The following C1D variants were observed in gnomAD, a reference collection of about 807,000 sequenced individuals.
The protein encoded by C1D is nuclear nucleic acid-binding protein C1D.
C1D carries 10 observed loss-of-function variants against 17.5 expected under a neutral mutation model. The ratio of observed to expected loss-of-function variants is 0.57; its 90% CI spans 0.35 to 0.97. The LOEUF is 0.97. Among genes scored for constraint, C1D ranks in the 50% least tolerant of loss-of-function variants. The pLI, the probability that C1D is intolerant of heterozygous loss-of-function variation, is 0.01. For synonymous variants in C1D, 49 were observed against 54.0 expected (o/e 0.91, Z 0.40); for missense variants, 136 against 160.1 (o/e 0.85, Z 0.81).
At chr2:68,043,590 C>T (rs1341284343) in intron 4 of C1D, among the ~76,000 whole-genome samples, 1 of 152,080 alleles carries the variant, frequency 6.6e-6, no homozygotes, top group Non-Finnish European at 1.5e-5. Context: ...TTGGTAAGTA[C>T]ATGAAATTTT....
Position 68,042,838 on chromosome 2 carries a change from G to GA in C1D, c.*50_*51insT. On this transcript the variant is annotated 3_prime_UTR_variant, in exon 5 of 5. Transcript: ENST00000410067. The stretch of plus-strand genomic sequence containing the variant: ...CACAGAATTATTTTGCGGGGGGGGG[G>GA]GGGGGGGGGAAGATGTACTTTTTGA... 1 of 377,420 alleles carries GA rather than the reference G, an allele frequency of 2.6e-6. No homozygotes were observed. Among genetic ancestry groups the GA allele is most frequent in the South Asian group, 2.9e-5 (1 of 34,540 alleles). The allele number at this position is 377,420 out of a possible 1,614,324, so 23.4% of individuals were successfully genotyped here.
chr2:68,059,962 T>G (rs1476428681), intron 1 of C1D, among the ~76,000 whole-genome samples: 1 of 152,158 alleles, frequency 6.6e-6, no homozygotes, highest in Non-Finnish European at 1.5e-5. Flanking sequence ...AACTGCCTAC[T>G]CAACATCTCC....
chr2:68,042,222 C>T lies in C1D; in HGVS notation c.*667G>A, dbSNP rs1220504433. ...AGGTCAGTTATACAACATTTTCAGCCTTTATTGAGAGTACAGTCATCATGC... is the reference window on the plus strand; with the variant it reads ...AGGTCAGTTATACAACATTTTCAGCTTTTATTGAGAGTACAGTCATCATGC... On this transcript the variant is annotated 3_prime_UTR_variant, in exon 5 of 5. Transcript: ENST00000410067. The T allele has an allele frequency of 6.6e-6, 1 of 152,408 alleles. No homozygotes were observed. The highest frequency in any genetic ancestry group is 1.5e-5 in the Non-Finnish European group (1 of 67,926). 9.4% of individuals were successfully genotyped at this position (152,408 alleles called of 1,614,324 possible).
At position 68,046,364 on chromosome 2, in the gene C1D, G is replaced by A. The variant is rs1458460308; in HGVS notation, c.185C>T (p.Thr62Ile). 1.2e-6 allele frequency: 2 copies of A among 1,611,660 alleles called. No individual in the cohort carries two copies. Among genetic ancestry groups the A allele is most frequent in the African/African-American group, 1.3e-5 (1 of 74,952 alleles). The change falls in exon 3 of 5, where the codon ACA becomes ATA. Residue 62 changes from threonine to isoleucine, a missense_variant. Coordinates refer to ENST00000410067, the MANE Select transcript of C1D (RefSeq NM_173177.3). The part of the protein sequence containing the change: ...QAKVDLVSAY[T>I]LNSMFWVYLA... ...CATACCCCAAAACATTGAATTTAAT[G>A]TGTATGCAGAAACCAAATCCACTTT...
chr2:68,055,333 C>T (rs1671406779), intron 1 of C1D, among the ~76,000 whole-genome samples: 1 of 152,134 alleles, frequency 6.6e-6, no homozygotes, highest in Non-Finnish European at 1.5e-5. Flanking sequence ...ATTAAGCCTA[C>T]AGAGCTAACT....
chr2:68,058,680 A>C (rs373183572), intron 1 of C1D, among the ~76,000 whole-genome samples: 191 of 152,254 alleles, frequency 1.3e-3, no homozygotes, highest in African/African-American at 4.3e-3. Flanking sequence ...TCTTTAATAC[A>C]ACATATAAGG....
intron 1 of C1D, among the ~76,000 whole-genome samples, chr2:68,052,012 G>A (rs1331081678): frequency 6.6e-6 from 1 of 151,734 alleles, no homozygotes; most frequent in Non-Finnish European, 1.5e-5. Context: ...ACAAAATATT[G>A]GAAATAATCT....
At chr2:68,058,961 T>C (rs1243258363) in intron 1 of C1D, among the ~76,000 whole-genome samples, 4 of 149,814 alleles carry the variant, frequency 2.7e-5, no homozygotes, top group African/African-American at 7.2e-5. Context: ...GGTCCTGTCA[T>C]AGTCCTTTCC....
At position 68,044,057 on chromosome 2, in the gene C1D, C is replaced by G. The variant is rs534686523; in HGVS notation, c.262-1004G>C. 5.9e-5 allele frequency among the ~76,000 whole-genome samples: 9 copies of G among 152,344 alleles called. No homozygotes were observed. The East Asian group carries it at 1.7e-3, about 29-fold the overall frequency. On this transcript the variant is annotated intron_variant, in intron 4 of 4. Transcript: ENST00000410067. ...TCCTTCCAGTCTACTCAAATGTTAA[C>G]CTTGTCATTGAGGCCCTGACTTCAG...
intron 4 of C1D, among the ~76,000 whole-genome samples, chr2:68,045,353 ATT>A (rs1671089475): frequency 6.6e-6 from 1 of 152,176 alleles, no homozygotes; most frequent in Non-Finnish European, 1.5e-5. Context: ...TTGATTTCTA[ATT>A]TTTCTCTTCA....
At chr2:68,047,542 T>C (rs1671165184) in intron 1 of C1D, among the ~76,000 whole-genome samples, 1 of 152,202 alleles carries the variant, frequency 6.6e-6, no homozygotes, top group Non-Finnish European at 1.5e-5. Context: ...CGAAGCCCAC[T>C]AATGCTATGC....
At chr2:68,046,488 T>C (rs1671125560) in intron 2 of C1D, 78 bp from the exon 3 acceptor site, 11 of 1,000,616 alleles carry the variant, frequency 1.1e-5, no homozygotes, top group Middle Eastern at 2.1e-4. Context: ...CACCATCTGA[T>C]AACATTTGAC....
intron 1 of C1D, among the ~76,000 whole-genome samples, chr2:68,049,858 G>A (rs950092706): frequency 2.6e-5 from 4 of 152,110 alleles, no homozygotes; most frequent in African/African-American, 7.2e-5. Flanking sequence ...TTGAAAAGTC[G>A]TACATGGTAA....
chr2:68,052,412 TA>T (rs1210414507), intron 1 of C1D, among the ~76,000 whole-genome samples: 3 of 152,182 alleles, frequency 2.0e-5, no homozygotes, highest in African/African-American at 7.2e-5. Context: ...CTTAATAAAG[TA>T]TTTTGGCTCT....
intron 1 of C1D, among the ~76,000 whole-genome samples, chr2:68,050,573 G>A (rs1048045463): frequency 7.2e-5 from 11 of 151,996 alleles, no homozygotes; most frequent in Admixed American, 5.9e-4. Flanking sequence ...GGTTTTCTCC[G>A]TTTCCTTTCT....
intron 1 of C1D, among the ~76,000 whole-genome samples, chr2:68,054,545 A>G (rs1034091836): frequency 1.3e-5 from 2 of 152,192 alleles, no homozygotes; most frequent in African/African-American, 4.8e-5. Context: ...GATCTAGAAT[A>G]ATCTCCCTTA....
Position 68,062,022 on chromosome 2 carries a change from A to C in C1D, c.-10+936T>G, listed in dbSNP as rs370823497. On this transcript the variant is annotated intron_variant, in intron 1 of 4. Coordinates refer to ENST00000410067, the MANE Select transcript of C1D (RefSeq NM_173177.3). ...CAATAGGGCTAATCTGTTGTTTTTG[A>C]ATCAAAAATACAGAGTTAAATAACT... 5.3e-5 allele frequency among the ~76,000 whole-genome samples: 8 copies of C among 152,358 alleles called. No homozygotes were observed. The East Asian group carries it at 1.3e-3, about 26-fold the overall frequency.
In C1D at chr2:68,052,953, T is replaced by G. The variant is rs966967339; in HGVS notation, c.-9-5634A>C. On this transcript the variant is annotated intron_variant, in intron 1 of 4. Coordinates refer to ENST00000410067, the MANE Select transcript of C1D (RefSeq NM_173177.3). ...CAGGCACTACTCTAAGCATTCCACA[T>G]GCACTTGTTCATCTAAACCTCACAG... 1.4e-5 allele frequency: 20 copies of G among 1,418,452 alleles called. No homozygotes were observed. In the East Asian group the frequency reaches 4.0e-4, roughly 28 times the overall value. 87.9% of individuals were successfully genotyped at this position (1,418,452 alleles called of 1,614,324 possible).
rs866072060 is a variant in C1D at position 68,042,559 on chromosome 2, T to C, written c.*330A>G. ...TAAGGTCATTATTCATTTAAAATAG[T>C]ACAAATGTTTACAAAGAACATTTCA... On this transcript the variant is annotated 3_prime_UTR_variant, in exon 5 of 5. Transcript: ENST00000410067. The C allele has an allele frequency of 4.5e-5, 8 of 178,872 alleles. No homozygotes were observed. The East Asian group carries it at 8.5e-4, about 19-fold the overall frequency. The allele number at this position is 178,872 out of a possible 1,614,324, so 11.1% of individuals were successfully genotyped here. A position where few individuals can be genotyped will look rare whatever the true frequency, so the allele number is the denominator to read the frequency against.
Sources: gnomAD v4.1 joint callset for allele counts (sites outside exome capture counted in the v4.1 genomes callset) on GRCh38, gnomAD v4.1.1 for gene constraint, MANE v1.5 for transcripts, NCBI Gene and HGNC (gene_info 2026-07-23, HGNC 2026-07-21) for gene names.